Variants in TXNRD2 observed in about 807,000 individuals in gnomAD.
TXNRD2 encodes the protein thioredoxin reductase 2, mitochondrial.
TXNRD2 carries 67 observed loss-of-function variants against 70.8 expected under a neutral mutation model. The observed-to-expected ratio is 0.95, with a 90% CI of 0.78 to 1.16. The LOEUF (loss-of-function observed/expected upper bound fraction) is 1.16, where lower values mean the gene tolerates loss of function less well. Ranked by LOEUF, TXNRD2 falls within the 50% of genes most tolerant of loss-of-function variation. The probability of loss-of-function intolerance (pLI) is 0.00; values close to 1 mark genes in which losing one functional copy is unlikely to be tolerated. For missense variants in TXNRD2, 644 were observed against 719.9 expected, an observed-to-expected ratio of 0.89 and a Z score of 1.21; for synonymous variants, 301 against 295.8, an observed-to-expected ratio of 1.02 and a Z score of -0.18.
chr22:19,883,872 AGGT>A (rs990282473), intron 11 of TXNRD2: 1 of 213,684 alleles, frequency 4.7e-6, no homozygotes, highest in Non-Finnish European at 9.6e-6. Context: ...TGAACCCAGG[AGGT>A]GGAGGCTGCA....
Position 19,880,693 on chromosome 22 carries a change from C to T in TXNRD2, c.1111G>A (p.Ala371Thr). The T allele has an allele frequency of 2.5e-6, 4 of 1,613,156 alleles. No homozygotes were observed. Among genetic ancestry groups the T allele is most frequent in the Non-Finnish European group, 3.4e-6 (4 of 1,180,012 alleles). ...ACCAGGAGCCTCCCGGCCATGATCGCTATGGGTGTCAGCTCAGGCCGCCCC... is the reference window on the plus strand; with the variant it reads ...ACCAGGAGCCTCCCGGCCATGATCGTTATGGGTGTCAGCTCAGGCCGCCCC... ...VEGRPELTPIAIMAGRLLVQR... is the reference protein window; with the variant it reads ...VEGRPELTPITIMAGRLLVQR... Residue 371 changes from alanine to threonine, a missense_variant, in exon 13 of 18, where the codon GCG becomes ACG. Ala to Thr is a moderately conservative substitution (Grantham distance 58, BLOSUM62 0). Transcript: ENST00000400521.
chr22:19,903,295 A>G (rs1939861002), intron 8 of TXNRD2, among the ~76,000 whole-genome samples: 2 of 152,226 alleles, frequency 1.3e-5, no homozygotes, highest in Admixed American at 6.5e-5. Context: ...CCGTTATCGG[A>G]CCTGAGAGGA....
At chr22:19,930,980 G>A in intron 2 of TXNRD2, 50 bp downstream of exon 2, 1 of 1,559,518 alleles carries the variant, frequency 6.4e-7, no homozygotes. Context: ...ACCCTCTCTA[G>A]GGGCCCTAAA....
At chr22:19,916,033 G>T in intron 5 of TXNRD2, 190 bp from the exon 6 acceptor site, 1 of 596,368 alleles carries the variant, frequency 1.7e-6, no homozygotes, top group Non-Finnish European at 3.0e-6. Flanking sequence ...CACCTCGCCT[G>T]TCCCCCAGGG....
At position 19,880,687 on chromosome 22, in the gene TXNRD2, T is replaced by C. The variant is rs2145933186; in HGVS notation, c.1117A>G (p.Met373Val). Residue 373 changes from methionine (M) to valine (V), a missense_variant, in exon 13 of 18, where the codon ATG becomes GTG. Transcript: ENST00000400521. Reference sequence around the variant, plus strand: ...CGCTGCACCAGGAGCCTCCCGGCCATGATCGCTATGGGTGTCAGCTCAGGC... The same window carrying C: ...CGCTGCACCAGGAGCCTCCCGGCCACGATCGCTATGGGTGTCAGCTCAGGC... ...GRPELTPIAI[M>V]AGRLLVQRLF... is the part of the protein sequence containing the mutation. 1 of 1,613,298 alleles carries C rather than the reference T, an allele frequency of 6.2e-7. No individual in the cohort carries two copies. Among genetic ancestry groups the C allele is most frequent in the African/African-American group, 1.3e-5 (1 of 75,018 alleles).
chr22:19,885,844 A>G (rs1328043303), intron 11 of TXNRD2, among the ~76,000 whole-genome samples: 1 of 152,260 alleles, frequency 6.6e-6, no homozygotes, highest in Non-Finnish European at 1.5e-5. Flanking sequence ...CAGACCTTGC[A>G]GGTGCTGACC....
chr22:19,896,633 G>A (rs934793359), intron 10 of TXNRD2, among the ~76,000 whole-genome samples: 1 of 152,252 alleles, frequency 6.6e-6, no homozygotes, highest in South Asian at 2.1e-4. Context: ...AGGCCTGTGC[G>A]CCCCAAGTCC....
chr22:19,888,416 G>T (rs1407775096), intron 11 of TXNRD2, among the ~76,000 whole-genome samples: 2 of 152,242 alleles, frequency 1.3e-5, no homozygotes, highest in Non-Finnish European at 2.9e-5. Context: ...GGGACACGGG[G>T]ACGGCCAGCC....
chr22:19,883,066 G>C (rs758280792), intron 12 of TXNRD2, among the ~76,000 whole-genome samples: 1 of 152,258 alleles, frequency 6.6e-6, no homozygotes, highest in Non-Finnish European at 1.5e-5. Context: ...CCCAGCAGGC[G>C]TCTGCTGCTG....
At chr22:19,908,361 G>T (rs60860719) in intron 8 of TXNRD2, among the ~76,000 whole-genome samples, 4,476 of 152,280 alleles carry the variant, frequency 0.029, 95 homozygotes, top group South Asian at 0.086. Flanking sequence ...TGTTAAGACG[G>T]AAGGGCAGCT....
intron 2 of TXNRD2, among the ~76,000 whole-genome samples, chr22:19,920,389 C>A (rs1940852183): frequency 6.6e-6 from 1 of 151,992 alleles, no homozygotes; most frequent in African/African-American, 2.4e-5. Flanking sequence ...ACCAGCCTGG[C>A]CAACATGGTA....
chr22:19,915,301 G>T, intron 6 of TXNRD2, 25 bp from the exon 7 acceptor site: 1 of 1,608,624 alleles, frequency 6.2e-7, no homozygotes, highest in Non-Finnish European at 8.5e-7. Context: ...AGAAAGCCGT[G>T]GGTCAGACAG....
intron 12 of TXNRD2, among the ~76,000 whole-genome samples, 195 bp downstream of exon 12, chr22:19,883,130 A>C (rs564430922): frequency 3.3e-5 from 5 of 152,378 alleles, no homozygotes; most frequent in Admixed American, 3.3e-4. Context: ...AAGGAAAGGA[A>C]AGGCAGAGAG....
At chr22:19,881,352 G>A (rs1938766070) in intron 12 of TXNRD2, 1 of 332,622 alleles carries the variant, frequency 3.0e-6, no homozygotes. Flanking sequence ...TAAACTCAGA[G>A]CGCAGCCTGC....
intron 8 of TXNRD2, chr22:19,902,869 TC>T: frequency 2.0e-6 from 1 of 491,458 alleles, no homozygotes; most frequent in Non-Finnish European, 4.1e-6. Flanking sequence ...CTGTGGTTCT[TC>T]CCAAGATAAA....
At chr22:19,929,199 C>T (rs1184924315) in intron 2 of TXNRD2, among the ~76,000 whole-genome samples, 4 of 151,456 alleles carry the variant, frequency 2.6e-5, no homozygotes, top group South Asian at 2.1e-4. Context: ...TGGTGGTGGG[C>T]GCCTGTAGTC....
intron 2 of TXNRD2, among the ~76,000 whole-genome samples, chr22:19,928,145 T>C (rs551620249): frequency 3.3e-5 from 5 of 150,296 alleles, no homozygotes; most frequent in African/African-American, 1.2e-4. Flanking sequence ...AAAAAGAAAC[T>C]ACAAAATGCT....
chr22:19,877,227 C>G lies in TXNRD2; in HGVS notation c.1453G>C (p.Ala485Pro). 1 of 1,610,072 alleles carries G rather than the reference C, an allele frequency of 6.2e-7. No homozygotes were observed. Among genetic ancestry groups the G allele is most frequent in the Non-Finnish European group, 8.5e-7 (1 of 1,177,628 alleles). ...QGFALGIKCGASYAQVMRTVG... is the reference protein window; with the variant it reads ...QGFALGIKCGPSYAQVMRTVG... ...GTCCGCATCACCTGCGCATAGGAAGCCCCACACCTGCACATGGGGGATGGG... is the reference window on the plus strand; with the variant it reads ...GTCCGCATCACCTGCGCATAGGAAGGCCCACACCTGCACATGGGGGATGGG... Residue 485 changes from alanine (A) to proline (P), a missense_variant, in exon 17 of 18, where the codon GCT (alanine) becomes CCT (proline). Coordinates refer to ENST00000400521, the MANE Select transcript of TXNRD2 (RefSeq NM_006440.5).
At chr22:19,880,352 C>T in intron 13 of TXNRD2, 81 bp from the exon 14 acceptor site, 8 of 1,415,888 alleles carry the variant, frequency 5.7e-6, no homozygotes, top group South Asian at 2.4e-5. Context: ...CAAAGAGCAG[C>T]GATCACAGAC....
Sources: gnomAD v4.1 joint callset for allele counts (sites outside exome capture counted in the v4.1 genomes callset) on GRCh38, gnomAD v4.1.1 for gene constraint, MANE v1.5 for transcripts, NCBI Gene and HGNC (gene_info 2026-07-23, HGNC 2026-07-21) for gene names.